STPG4: variants seen among roughly 807,000 people sequenced by gnomAD.
The protein encoded by STPG4 is sperm-tail PG-rich repeat containing 4.
Under a neutral mutation model 31.5 loss-of-function variants are expected in STPG4, and 41 were observed. The observed-to-expected ratio is 1.30, with a 90% CI of 1.01 to 1.69. The LOEUF is 1.69. Among genes scored for constraint, STPG4 ranks in the 40% most tolerant of loss-of-function variants. The probability of loss-of-function intolerance (pLI) is 0.00; values close to 1 mark genes in which losing one functional copy is unlikely to be tolerated. For synonymous variants in STPG4, 141 were observed against 103.0 expected (o/e 1.37, Z -2.24); for missense variants, 375 against 293.4 (o/e 1.28, Z -2.03).
intron 5 of STPG4, chr2:47,129,732 A>T (rs1298465473): frequency 3.6e-6 from 2 of 548,418 alleles, no homozygotes; most frequent in East Asian, 3.2e-5. Flanking sequence ...CCTTGATACA[A>T]TGTTAAAACC....
In STPG4 at chr2:47,093,118, C is replaced by A. The variant is rs140421431; in HGVS notation, c.520-2744G>T. ...TCCACAGGATTTAAAGCAAGGCTTT[C>A]CCATTCTCTCTGGCAGGTGGCACAG... On this transcript the variant is annotated intron_variant, in intron 5 of 6. Transcript: ENST00000445927. Among the ~76,000 whole-genome samples, 64 of 152,316 alleles carry A rather than the reference C, an allele frequency of 4.2e-4. No individual in the cohort carries two copies. In the East Asian group the frequency reaches 0.012, roughly 28 times the overall value.
At chr2:47,123,294 G>GA (rs1383367132) in intron 5 of STPG4, among the ~76,000 whole-genome samples, 1 of 152,142 alleles carries the variant, frequency 6.6e-6, no homozygotes, top group Non-Finnish European at 1.5e-5. Context: ...TAAAAGGAAA[G>GA]AAACAGAGAG....
intron 3 of STPG4, among the ~76,000 whole-genome samples, chr2:47,141,563 A>G (rs1686708675): frequency 6.6e-6 from 1 of 152,036 alleles, no homozygotes; most frequent in African/African-American, 2.4e-5. Context: ...GCCTCAAAAA[A>G]AAAAAAAAAA....
chr2:47,133,552 C>G (rs1190966159), intron 3 of STPG4, among the ~76,000 whole-genome samples: 3 of 128,980 alleles, frequency 2.3e-5, no homozygotes, highest in African/African-American at 5.5e-5. Context: ...TCAATCCATG[C>G]TGATTAGGCA....
chr2:47,112,295 T>C (rs1446467234), intron 5 of STPG4, among the ~76,000 whole-genome samples: 1 of 152,118 alleles, frequency 6.6e-6, no homozygotes, highest in African/African-American at 2.4e-5. Context: ...TTCTCCCAAG[T>C]AGCTGGGATT....
At chr2:47,088,943 C>A (rs985589971) in intron 6 of STPG4, among the ~76,000 whole-genome samples, 1 of 152,174 alleles carries the variant, frequency 6.6e-6, no homozygotes, top group Non-Finnish European at 1.5e-5. Context: ...CACAAGGCCA[C>A]CCCTCGGGAG....
chr2:47,090,669 C>A (rs1043207295), intron 5 of STPG4, among the ~76,000 whole-genome samples: 3 of 152,232 alleles, frequency 2.0e-5, no homozygotes, highest in African/African-American at 7.2e-5. Flanking sequence ...TCCCAGCCCA[C>A]ACTCAGGTCC....
intron 3 of STPG4, among the ~76,000 whole-genome samples, chr2:47,149,967 C>A (rs1430960869): frequency 6.6e-6 from 1 of 152,164 alleles, no homozygotes; most frequent in South Asian, 2.1e-4. Flanking sequence ...ACATGGTAGA[C>A]TGGAAAGAGG....
At chr2:47,089,737 T>C (rs11695805) in intron 6 of STPG4, among the ~76,000 whole-genome samples, 2 of 152,144 alleles carry the variant, frequency 1.3e-5, no homozygotes, top group Non-Finnish European at 2.9e-5. Context: ...GGAGGAGTCC[T>C]GTATGCTCCC....
intron 3 of STPG4, among the ~76,000 whole-genome samples, chr2:47,135,587 A>G (rs1459170935): frequency 6.6e-6 from 1 of 151,938 alleles, no homozygotes; most frequent in East Asian, 1.9e-4. Context: ...GGGTTTCACT[A>G]TATTGGCCAG....
intron 5 of STPG4, among the ~76,000 whole-genome samples, chr2:47,096,942 G>A (rs6544955): frequency 0.42 from 63,199 of 151,810 alleles, 14,001 homozygotes; most frequent in African/African-American, 0.58. Context: ...AGGGCTTATG[G>A]TGAGTTCACA....
intron 3 of STPG4, among the ~76,000 whole-genome samples, chr2:47,146,124 C>G (rs1006884097): frequency 6.6e-6 from 1 of 152,152 alleles, no homozygotes; most frequent in African/African-American, 2.4e-5. Context: ...AGTAGTAAGA[C>G]AAAGTCAAGA....
chr2:47,090,528 G>T (rs764018884), intron 5 of STPG4, among the ~76,000 whole-genome samples, 154 bp from the exon 6 acceptor site: 1 of 152,154 alleles, frequency 6.6e-6, no homozygotes, highest in Non-Finnish European at 1.5e-5. Flanking sequence ...GTGTGAGCTG[G>T]GACAAGTCAT....
intron 5 of STPG4, among the ~76,000 whole-genome samples, chr2:47,100,145 T>A (rs2103738210): frequency 1.3e-5 from 2 of 152,196 alleles, no homozygotes; most frequent in East Asian, 3.9e-4. Context: ...GGCAGGCAGC[T>A]CCACCTGCAG....
At chr2:47,110,650 T>C (rs959239251) in intron 5 of STPG4, among the ~76,000 whole-genome samples, 1 of 152,172 alleles carries the variant, frequency 6.6e-6, no homozygotes, top group Admixed American at 6.5e-5. Flanking sequence ...GAAAGAAATA[T>C]AAGCAATCAC....
chr2:47,116,771 A>T (rs1252187972), intron 5 of STPG4, among the ~76,000 whole-genome samples: 1 of 152,188 alleles, frequency 6.6e-6, no homozygotes, highest in East Asian at 1.9e-4. Context: ...TTGGGAGCTT[A>T]TGCATTTAGA....
At chr2:47,155,100 G>A in intron 1 of STPG4, 71 bp downstream of exon 1, 1 of 1,433,020 alleles carries the variant, frequency 7.0e-7, no homozygotes, top group Non-Finnish European at 9.8e-7. Context: ...GGATTAGAGA[G>A]CGGTGGGAAA....
At chr2:47,105,003 G>A (rs1685881677) in intron 5 of STPG4, among the ~76,000 whole-genome samples, 1 of 151,954 alleles carries the variant, frequency 6.6e-6, no homozygotes, top group South Asian at 2.1e-4. Context: ...GATACAGTGA[G>A]ATAGCCAGAC....
chr2:47,112,814 G>T (rs1039198936), intron 5 of STPG4, among the ~76,000 whole-genome samples: 1 of 151,984 alleles, frequency 6.6e-6, no homozygotes, highest in Admixed American at 6.6e-5. Context: ...ACCAGCCTGG[G>T]CAACATAGTG....
Sources: gnomAD v4.1 joint callset for allele counts (sites outside exome capture counted in the v4.1 genomes callset) on GRCh38, gnomAD v4.1.1 for gene constraint, MANE v1.5 for transcripts, NCBI Gene and HGNC (gene_info 2026-07-23, HGNC 2026-07-21) for gene names.